MRPL39: variants seen among roughly 807,000 people sequenced by gnomAD.
The protein encoded by MRPL39 is large ribosomal subunit protein mL39.
Under a neutral mutation model 44.5 loss-of-function variants are expected in MRPL39, and 35 were observed. That is an observed-to-expected ratio of 0.79 (90% confidence interval 0.60 to 1.04). The LOEUF (loss-of-function observed/expected upper bound fraction) is 1.04, where lower values mean the gene tolerates loss of function less well. Ranked by LOEUF, MRPL39 falls within the 50% of genes least tolerant of loss-of-function variation. MRPL39 has a pLI of 0.00. For missense variants in MRPL39, 433 were observed against 413.5 expected, an observed-to-expected ratio of 1.05 and a Z score of -0.41; for synonymous variants, 139 against 136.1, an observed-to-expected ratio of 1.02 and a Z score of -0.15.
chr21:25,601,574 T>C, intron 3 of MRPL39, 107 bp from the exon 4 acceptor site: 1 of 661,664 alleles, frequency 1.5e-6, no homozygotes, highest in Non-Finnish European at 2.3e-6. Flanking sequence ...AAAATATTTC[T>C]CATATATCTC....
At chr21:25,596,564 G>A (rs906363972) in intron 6 of MRPL39, among the ~76,000 whole-genome samples, 1 of 151,888 alleles carries the variant, frequency 6.6e-6, no homozygotes, top group Non-Finnish European at 1.5e-5. Context: ...ATATATTTAC[G>A]ATAACCTATC....
intron 9 of MRPL39, among the ~76,000 whole-genome samples, chr21:25,587,261 TA>T (rs1456974624): frequency 2.0e-5 from 3 of 152,234 alleles, no homozygotes; most frequent in African/African-American, 7.2e-5. Context: ...AAATTTTTTT[TA>T]ATTTTACTTA....
chr21:25,589,814 G>A (rs1342909198), intron 8 of MRPL39, among the ~76,000 whole-genome samples: 1 of 91,892 alleles, frequency 1.1e-5, no homozygotes, highest in Non-Finnish European at 3.2e-5. Flanking sequence ...TGTTTAAAGG[G>A]AAAACCATGC....
chr21:25,597,407 A>C lies in MRPL39; in HGVS notation c.596T>G (p.Leu199Ter), dbSNP rs2031394393. ...ATGAGCATCTTTTGTGAAGGAACGT[A>C]AGTTCTCCTTAAAAATGAAAGTAAT... ...LDEWMPTKEN[L>*]RSFTKDAHAL... Residue 199 changes from leucine to a stop codon, truncating the protein, a stop_gained, in exon 6 of 10, where the codon TTA becomes TGA. Coordinates refer to ENST00000352957, the MANE Select transcript of MRPL39 (RefSeq NM_017446.4). LOFTEE classifies it high-confidence loss of function. The C allele has an allele frequency of 6.5e-7, 1 of 1,531,894 alleles. No individual in the cohort carries two copies. Among genetic ancestry groups the C allele is most frequent in the Non-Finnish European group, 9.0e-7 (1 of 1,114,300 alleles). The allele number at this position is 1,531,894 out of a possible 1,614,324, so 94.9% of individuals were successfully genotyped here.
intron 3 of MRPL39, among the ~76,000 whole-genome samples, chr21:25,602,782 GAA>G (rs1367872153): frequency 1.3e-5 from 2 of 152,192 alleles, no homozygotes; most frequent in African/African-American, 4.8e-5. Context: ...TTAATAGAGA[GAA>G]AAGAAAATGC....
At chr21:25,607,279 G>A (rs1029138435) in intron 1 of MRPL39, 124 bp downstream of exon 1, 7 of 1,022,806 alleles carry the variant, frequency 6.8e-6, no homozygotes, top group African/African-American at 3.2e-5. Flanking sequence ...CCGCCGCGGA[G>A]GGACTAAGAA....
intron 3 of MRPL39, among the ~76,000 whole-genome samples, chr21:25,603,201 C>T (rs961874182): frequency 1.3e-5 from 2 of 151,990 alleles, no homozygotes; most frequent in Non-Finnish European, 2.9e-5. Context: ...ATACAGTGAC[C>T]AAGTACTCTA....
At chr21:25,598,856 G>A (rs1282226364) in intron 5 of MRPL39, among the ~76,000 whole-genome samples, 14 of 136,624 alleles carry the variant, frequency 1.0e-4, no homozygotes, top group South Asian at 2.3e-4. Flanking sequence ...TTACTAAGGG[G>A]AAAAAAAAAA....
At chr21:25,593,104 G>A in intron 7 of MRPL39, 139 bp from the exon 8 acceptor site, 1 of 677,648 alleles carries the variant, frequency 1.5e-6, no homozygotes, top group Admixed American at 3.3e-5. Flanking sequence ...AGTTTCTAAT[G>A]ACCCCTGACA....
intron 4 of MRPL39, 73 bp from the exon 5 acceptor site, chr21:25,599,939 A>T: frequency 8.8e-7 from 1 of 1,130,370 alleles, no homozygotes; most frequent in South Asian, 1.3e-5. Flanking sequence ...GCAACAACTG[A>T]ATATTTAGAC....
intron 2 of MRPL39, among the ~76,000 whole-genome samples, chr21:25,604,230 G>A (rs1206062595): frequency 6.6e-6 from 1 of 152,052 alleles, no homozygotes; most frequent in Non-Finnish European, 1.5e-5. Flanking sequence ...CTGCATTCGA[G>A]CCTGGGTGAC....
chr21:25,601,123 C>T (rs1005351618), intron 4 of MRPL39, among the ~76,000 whole-genome samples: 3 of 152,004 alleles, frequency 2.0e-5, no homozygotes, highest in Non-Finnish European at 4.4e-5. Flanking sequence ...AATAAATAAA[C>T]GCTGAGATAG....
intron 5 of MRPL39, among the ~76,000 whole-genome samples, chr21:25,597,876 A>G (rs2031406682): frequency 2.0e-5 from 3 of 152,268 alleles, no homozygotes; most frequent in Admixed American, 6.5e-5. Context: ...ATGTAGCATC[A>G]TCACCCACCC....
chr21:25,607,677 C>G (rs374307771), upstream of MRPL39, among the ~76,000 whole-genome samples: 1 of 152,092 alleles, frequency 6.6e-6, no homozygotes, highest in Non-Finnish European at 1.5e-5. Flanking sequence ...TACCTGTGCT[C>G]GATACCTGGG....
Position 25,592,693 on chromosome 21 carries a change from T to G in MRPL39, c.921+119A>C, listed in dbSNP as rs1029326323. On this transcript the variant is annotated intron_variant, in intron 8 of 9. Transcript: ENST00000352957. ...ATCATAAACCTGAGTTTATAAAATA[T>G]TAGTGTCACATAACTTAAGAAAAAT... 11 of 696,168 alleles carry G rather than the reference T, an allele frequency of 1.6e-5. No individual in the cohort carries two copies. The Admixed American group carries it at 2.3e-4, about 14-fold the overall frequency. 43.1% of individuals were successfully genotyped at this position (696,168 alleles called of 1,614,324 possible). A position where few individuals can be genotyped will look rare whatever the true frequency, so the allele number is the denominator to read the frequency against.
At chr21:25,600,424 A>G (rs912339712) in intron 4 of MRPL39, among the ~76,000 whole-genome samples, 2 of 141,032 alleles carry the variant, frequency 1.4e-5, no homozygotes, top group Non-Finnish European at 3.2e-5. Flanking sequence ...AAAATTCCAA[A>G]AGAACAAGAT....
Position 25,592,937 on chromosome 21 carries a change from C to T in MRPL39, c.796G>A (p.Gly266Ser), listed in dbSNP as rs2031229089. 13 of 1,612,540 alleles carry T rather than the reference C, an allele frequency of 8.1e-6. No homozygotes were observed. The highest frequency in any genetic ancestry group is 1.1e-5 in the Non-Finnish European group (13 of 1,179,224). Residue 266 changes from glycine to serine, a missense_variant, in exon 8 of 10, where the codon GGC becomes AGC. Transcript: ENST00000352957. ...RIGDFIDVSE[G>S]PLIPRTSICF... ...ATACTTGTTCTTGGAATAAGAGGGC[C>T]CTCACTCACATCAATGAAGTCACCT... is the stretch of plus-strand genomic sequence containing the variant.
intron 4 of MRPL39, among the ~76,000 whole-genome samples, chr21:25,600,640 C>CA (rs2031495004): frequency 6.6e-6 from 1 of 151,362 alleles, no homozygotes. Context: ...CTAGTTTTAG[C>CA]AAAATTACAG....
At chr21:25,591,294 T>A (rs1380988266) in intron 8 of MRPL39, among the ~76,000 whole-genome samples, 2 of 152,012 alleles carry the variant, frequency 1.3e-5, no homozygotes, top group Non-Finnish European at 2.9e-5. Flanking sequence ...GTTATCAAAT[T>A]TTAATAAACT....
Sources: gnomAD v4.1 joint callset for allele counts (sites outside exome capture counted in the v4.1 genomes callset) on GRCh38, gnomAD v4.1.1 for gene constraint, MANE v1.5 for transcripts, NCBI Gene and HGNC (gene_info 2026-07-23, HGNC 2026-07-21) for gene names.